Variants in RGS20 observed in about 807,000 individuals in gnomAD.
The protein encoded by RGS20 is regulator of G protein signaling 20.
In RGS20, 30 loss-of-function variants were observed where a neutral mutation model predicts 33.6. The ratio of observed to expected loss-of-function variants is 0.89; its 90% confidence interval spans 0.67 to 1.21. The LOEUF is 1.21. Among genes scored for constraint, RGS20 ranks in the 50% most tolerant of loss-of-function variants. The pLI is 0.00. For synonymous variants in RGS20, 208 were observed against 197.9 expected (o/e 1.05, Z -0.43); for missense variants, 472 against 502.4 (o/e 0.94, Z 0.58).
At chr8:53,915,074 G>A (rs1169074377) in intron 2 of RGS20, among the ~76,000 whole-genome samples, 2 of 152,036 alleles carry the variant, frequency 1.3e-5, no homozygotes, top group African/African-American at 4.8e-5. Flanking sequence ...GAACCTGGGA[G>A]GCGAGGTTGC....
intron 2 of RGS20, among the ~76,000 whole-genome samples, chr8:53,919,440 C>A (rs1585921700): frequency 6.6e-6 from 1 of 151,746 alleles, no homozygotes; most frequent in South Asian, 2.1e-4. Context: ...CTCCCAGGTT[C>A]AAGAGATTCT....
intron 2 of RGS20, among the ~76,000 whole-genome samples, chr8:53,898,582 C>T (rs1812929510): frequency 6.6e-6 from 1 of 152,156 alleles, no homozygotes; most frequent in Non-Finnish European, 1.5e-5. Flanking sequence ...CACATGATAT[C>T]CTGTGGGCTC....
intron 2 of RGS20, among the ~76,000 whole-genome samples, chr8:53,930,606 C>T (rs867831210): frequency 6.6e-6 from 1 of 152,122 alleles, no homozygotes; most frequent in Non-Finnish European, 1.5e-5. Flanking sequence ...AGTGCAGTGG[C>T]ACGATCTCAG....
chr8:53,932,488 C>T (rs1331876793), intron 2 of RGS20, among the ~76,000 whole-genome samples: 1 of 152,194 alleles, frequency 6.6e-6, no homozygotes, highest in East Asian at 1.9e-4. Flanking sequence ...GTTTTCCCCT[C>T]ACACAGTGTA....
At chr8:53,952,322 C>T (rs1814735377) in intron 4 of RGS20, among the ~76,000 whole-genome samples, 1 of 145,452 alleles carries the variant, frequency 6.9e-6, no homozygotes. Flanking sequence ...GCACTCCAGC[C>T]TGGGCAACAG....
At chr8:53,919,411 G>A (rs1372356968) in intron 2 of RGS20, among the ~76,000 whole-genome samples, 3 of 149,264 alleles carry the variant, frequency 2.0e-5, no homozygotes, top group East Asian at 2.0e-4. Flanking sequence ...GCACAATCTC[G>A]GCTCACTGCA....
At chr8:53,914,321 T>C (rs1813426338) in intron 2 of RGS20, among the ~76,000 whole-genome samples, 1 of 152,132 alleles carries the variant, frequency 6.6e-6, no homozygotes, top group Non-Finnish European at 1.5e-5. Flanking sequence ...CCTTCTTAGT[T>C]CTTTGATGCC....
intron 2 of RGS20, among the ~76,000 whole-genome samples, chr8:53,922,852 G>C (rs1813690246): frequency 1.3e-5 from 2 of 151,988 alleles, no homozygotes; most frequent in African/African-American, 4.8e-5. Context: ...GTAGAGATGG[G>C]GTTTCACTAT....
chr8:53,890,880 C>T (rs1812693727), intron 2 of RGS20, among the ~76,000 whole-genome samples: 1 of 152,126 alleles, frequency 6.6e-6, no homozygotes, highest in African/African-American at 2.4e-5. Flanking sequence ...TAGCTAATGC[C>T]CAGTTCTTTC....
intron 2 of RGS20, among the ~76,000 whole-genome samples, chr8:53,886,129 G>A (rs1324708749): frequency 1.3e-5 from 2 of 152,220 alleles, no homozygotes; most frequent in Non-Finnish European, 2.9e-5. Flanking sequence ...CTCACTCTGA[G>A]TCAGAGCTTA....
At chr8:53,957,812 G>A (rs1304917781) in intron 5 of RGS20, among the ~76,000 whole-genome samples, 1 of 152,202 alleles carries the variant, frequency 6.6e-6, no homozygotes, top group Non-Finnish European at 1.5e-5. Flanking sequence ...CTCTTTGGCA[G>A]TTTGGATTTT....
At chr8:53,869,981 T>C (rs1011902755) in intron 1 of RGS20, among the ~76,000 whole-genome samples, 1 of 152,136 alleles carries the variant, frequency 6.6e-6, no homozygotes, top group African/African-American at 2.4e-5. Flanking sequence ...GCACCTGTGC[T>C]TTTGTGTCAG....
chr8:53,954,541 G>A (rs960627206), intron 5 of RGS20, among the ~76,000 whole-genome samples: 1 of 151,830 alleles, frequency 6.6e-6, no homozygotes, highest in Non-Finnish European at 1.5e-5. Context: ...ATGGGCGCCT[G>A]TAATCCCAGC....
intron 2 of RGS20, among the ~76,000 whole-genome samples, chr8:53,909,186 C>CT (rs886326520): frequency 8.4e-6 from 1 of 119,366 alleles, no homozygotes; most frequent in Non-Finnish European, 1.6e-5. Context: ...TCTGAGTACT[C>CT]TATTATCCAT....
intron 2 of RGS20, among the ~76,000 whole-genome samples, chr8:53,937,784 A>T (rs775010390): frequency 6.6e-6 from 1 of 152,214 alleles, no homozygotes; most frequent in Non-Finnish European, 1.5e-5. Context: ...CATGAAAAAA[A>T]GCTCATCATC....
intron 2 of RGS20, among the ~76,000 whole-genome samples, chr8:53,922,109 T>C (rs1459923655): frequency 1.3e-5 from 2 of 152,164 alleles, no homozygotes; most frequent in Non-Finnish European, 2.9e-5. Context: ...TATTGAACTT[T>C]ATTACTGTTA....
At chr8:53,883,354 G>A (rs967849456) in intron 2 of RGS20, among the ~76,000 whole-genome samples, 1 of 151,842 alleles carries the variant, frequency 6.6e-6, no homozygotes, top group Non-Finnish European at 1.5e-5. Context: ...AGTGGAGACG[G>A]GGTTTCTCCA....
chr8:53,931,767 T>G (rs1281291903), intron 2 of RGS20, among the ~76,000 whole-genome samples: 3 of 152,114 alleles, frequency 2.0e-5, no homozygotes, highest in African/African-American at 7.2e-5. Flanking sequence ...AGAAGCAGTG[T>G]GGGGTGTCGC....
chr8:53,944,021 A>G (rs935023661), intron 3 of RGS20, among the ~76,000 whole-genome samples: 1 of 151,958 alleles, frequency 6.6e-6, no homozygotes, highest in Non-Finnish European at 1.5e-5. Flanking sequence ...ACACACACAC[A>G]CACTGAAAAT....
Sources: allele counts gnomAD v4.1 joint callset (sites outside exome capture counted in the v4.1 genomes callset), GRCh38; gene constraint gnomAD v4.1.1; transcripts MANE v1.5; gene names NCBI Gene and HGNC (gene_info 2026-07-23, HGNC 2026-07-21).